VIPR2: variants seen among roughly 807,000 people sequenced by gnomAD.
VIPR2 encodes vasoactive intestinal peptide receptor 2.
In VIPR2, 48 loss-of-function variants were observed where a neutral mutation model predicts 58.0. The ratio of observed to expected loss-of-function variants is 0.83; its 90% CI spans 0.66 to 1.05. The LOEUF is 1.05. Ranked by LOEUF, VIPR2 falls within the 50% of genes least tolerant of loss-of-function variation. The pLI, the probability that VIPR2 is intolerant of heterozygous loss-of-function variation, is 0.00. For missense variants in VIPR2, 534 were observed against 558.0 expected (o/e 0.96, Z 0.43); for synonymous variants, 243 against 235.2 (o/e 1.03, Z -0.30).
intron 2 of VIPR2, among the ~76,000 whole-genome samples, chr7:159,126,869 T>C (rs1488683524): frequency 6.6e-6 from 1 of 152,198 alleles, no homozygotes; most frequent in East Asian, 1.9e-4. Flanking sequence ...CCACGCACTG[T>C]ACTATGGGCA....
At chr7:159,104,678 T>C (rs74990944) in intron 3 of VIPR2, among the ~76,000 whole-genome samples, 17,212 of 142,928 alleles carry the variant, frequency 0.12, 1,194 homozygotes, top group African/African-American at 0.21. Flanking sequence ...TCCCTCCTCC[T>C]GACAGCACCC....
In VIPR2 at chr7:159,036,759, G is replaced by A. The variant is rs765681011; in HGVS notation, c.741C>T (p.Ile247=). 1.7e-5 allele frequency: 28 copies of A among 1,612,976 alleles called. No individual in the cohort carries two copies. Among genetic ancestry groups the A allele is most frequent in the Middle Eastern group, 1.7e-4 (1 of 6,058 alleles). ...PRRCFLAYLL[I]GWGLPTVCIG... ...GGGAAGGGGCACACTTACCCCATCC[G>A]ATCAGGAGGTAGGCCAGGAAGCACC... The change falls in exon 7 of 13, where the codon ATC becomes ATT. Residue 247 remains isoleucine, a synonymous_variant. Transcript: ENST00000262178.
At chr7:159,071,480 G>A (rs553005275) in intron 4 of VIPR2, among the ~76,000 whole-genome samples, 7 of 152,272 alleles carry the variant, frequency 4.6e-5, no homozygotes, top group Admixed American at 2.6e-4. Context: ...TGGGCATCGC[G>A]TTCTGTTCTT....
At chr7:159,039,832 G>A (rs999645020) in intron 6 of VIPR2, among the ~76,000 whole-genome samples, 1 of 152,212 alleles carries the variant, frequency 6.6e-6, no homozygotes, top group Admixed American at 6.5e-5. Context: ...AAGAACACCA[G>A]TCCATAAAGA....
In VIPR2 at chr7:159,097,312, T is replaced by C. The variant is rs551472794; in HGVS notation, c.357+6445A>G. The C allele has an allele frequency of 3.1e-6, 4 of 1,293,580 alleles. No individual in the cohort carries two copies. In the South Asian group the frequency reaches 7.9e-5, roughly 26 times the overall value. The allele number at this position is 1,293,580 out of a possible 1,614,324, so 80.1% of individuals were successfully genotyped here. A position where few individuals can be genotyped will look rare whatever the true frequency, so the allele number is the denominator to read the frequency against. ...GGAAGAAATGTGTGCACTTGAAGCA[T>C]GGGGAGGCCGAAATGCCAAACAGTT... On this transcript the variant is annotated intron_variant, in intron 4 of 12. Transcript: ENST00000262178. The surrounding 1 kb of genome is among the most constrained non-coding windows in gnomAD (Gnocchi z 5.3).
chr7:159,031,325 A>AGGGTCAG lies in VIPR2; in HGVS notation c.1143+496_1143+502dup, dbSNP rs1171683954. On this transcript the variant is annotated intron_variant, in intron 12 of 12. Coordinates refer to ENST00000262178, the MANE Select transcript of VIPR2 (RefSeq NM_003382.5). The surrounding 1 kb of genome is among the most constrained non-coding windows in gnomAD (Gnocchi z 4.0). ...GCCAGCAACCGCAGCGTGGGGCGGGAGGGTCAGGGGTCAGGGGACGGGGCC... is the reference window on the plus strand; with the variant it reads ...GCCAGCAACCGCAGCGTGGGGCGGGAGGGTCAGGGGTCAGGGGTCAGGGGACGGGGCC... 3.6e-5 allele frequency among the ~76,000 whole-genome samples: 5 copies of AGGGTCAG among 138,904 alleles called. No homozygotes were observed. Among genetic ancestry groups the AGGGTCAG allele is most frequent in the South Asian group, 2.6e-4 (1 of 3,838 alleles). The allele number at this position is 138,904 out of a possible 152,430, so 91.1% of individuals were successfully genotyped here. A position where few individuals can be genotyped will look rare whatever the true frequency, so the allele number is the denominator to read the frequency against.
intron 3 of VIPR2, among the ~76,000 whole-genome samples, chr7:159,105,928 G>A (rs1445123686): frequency 3.3e-5 from 5 of 152,294 alleles, no homozygotes; most frequent in Admixed American, 6.5e-5. Context: ...CAGGAATGCC[G>A]GGCTCTGTGC....
chr7:159,070,747 C>T (rs1856342626), intron 4 of VIPR2, among the ~76,000 whole-genome samples: 1 of 152,242 alleles, frequency 6.6e-6, no homozygotes, highest in South Asian at 2.1e-4. Context: ...GAAAGGGCTA[C>T]ATTGCAAATT....
rs542908349 is a variant in VIPR2, at chr7:159,035,846, C to T, written c.809+106G>A. The T allele has an allele frequency of 1.2e-4, 177 of 1,481,364 alleles. 2 individuals carry two copies. In the South Asian group the frequency reaches 1.3e-3, roughly 11 times the overall value. The allele number at this position is 1,481,364 out of a possible 1,614,324, so 91.8% of individuals were successfully genotyped here. A position where few individuals can be genotyped will look rare whatever the true frequency, so the allele number is the denominator to read the frequency against. ...TGCGTGGCTGTCGGTTGGCCGCAAACGCTCCCTGTCCTTCCAACCAGGTAA... is the reference window on the plus strand; with the variant it reads ...TGCGTGGCTGTCGGTTGGCCGCAAATGCTCCCTGTCCTTCCAACCAGGTAA... On this transcript the variant is annotated intron_variant, in intron 8 of 12. Coordinates refer to ENST00000262178, the MANE Select transcript of VIPR2 (RefSeq NM_003382.5).
chr7:159,082,677 C>T (rs1856972199), intron 4 of VIPR2, among the ~76,000 whole-genome samples: 2 of 152,216 alleles, frequency 1.3e-5, no homozygotes, highest in Admixed American at 1.3e-4. Context: ...ATTACCTGTT[C>T]GCCCATTTCC....
intron 10 of VIPR2, among the ~76,000 whole-genome samples, chr7:159,033,297 G>A (rs935729816): frequency 6.6e-6 from 1 of 152,094 alleles, no homozygotes; most frequent in Admixed American, 6.5e-5. Context: ...TCTAAGGTGG[G>A]AGAAAAGGGA....
intron 2 of VIPR2, among the ~76,000 whole-genome samples, chr7:159,123,527 TACC>T (rs1796546558): frequency 6.6e-6 from 1 of 152,188 alleles, no homozygotes; most frequent in Admixed American, 6.5e-5. Context: ...GGTGTATATG[TACC>T]ACATTTTCTT....
chr7:159,082,384 A>G (rs1351962135), intron 4 of VIPR2, among the ~76,000 whole-genome samples: 1 of 152,024 alleles, frequency 6.6e-6, no homozygotes, highest in East Asian at 1.9e-4. Context: ...CAAACACCGC[A>G]TGTTCTCACT....
intron 2 of VIPR2, among the ~76,000 whole-genome samples, chr7:159,110,593 T>TTC (rs397790333): frequency 6.6e-6 from 1 of 151,678 alleles, no homozygotes; most frequent in Non-Finnish European, 1.5e-5. Flanking sequence ...CCCAGGACTT[T>TTC]CCTACTTGTC....
At chr7:159,039,777 C>T (rs1854203264) in intron 6 of VIPR2, among the ~76,000 whole-genome samples, 1 of 152,194 alleles carries the variant, frequency 6.6e-6, no homozygotes, top group Non-Finnish European at 1.5e-5. Context: ...ATGGAGACAC[C>T]CTCTGACCTG....
intron 6 of VIPR2, among the ~76,000 whole-genome samples, chr7:159,040,634 G>C: frequency 6.6e-6 from 1 of 152,172 alleles, no homozygotes; most frequent in Middle Eastern, 3.2e-3. Context: ...ACCTATTTTG[G>C]GGGTGCTGCC....
chr7:159,101,741 G>A (rs540666192), intron 4 of VIPR2, among the ~76,000 whole-genome samples: 3 of 143,352 alleles, frequency 2.1e-5, no homozygotes, highest in East Asian at 4.4e-4. Context: ...TGAGTCTCAC[G>A]AGATCCGACG....
intron 8 of VIPR2, 81 bp downstream of exon 8, chr7:159,035,871 A>AC: frequency 6.4e-7 from 1 of 1,550,968 alleles, no homozygotes; most frequent in Non-Finnish European, 8.8e-7. Flanking sequence ...CAACCAGGTA[A>AC]CCTTCTGGCT....
intron 4 of VIPR2, among the ~76,000 whole-genome samples, chr7:159,102,820 C>T (rs962419425): frequency 5.3e-5 from 8 of 152,078 alleles, no homozygotes; most frequent in South Asian, 2.1e-4. Flanking sequence ...ATGTGGGGAG[C>T]GCGATACTTC....
Sources: gnomAD v4.1 joint callset for allele counts (sites outside exome capture counted in the v4.1 genomes callset) on GRCh38, gnomAD v4.1.1 for gene constraint, Gnocchi (gnomAD v3.1) non-coding constraint, MANE v1.5 for transcripts, NCBI Gene and HGNC (gene_info 2026-07-23, HGNC 2026-07-21) for gene names.